CNBD1: variants seen among roughly 807,000 people sequenced by gnomAD.
The protein encoded by CNBD1 is cyclic nucleotide binding domain containing 1.
CNBD1 carries 71 observed loss-of-function variants against 54.4 expected under a neutral mutation model. The observed-to-expected ratio is 1.30, with a 90% CI of 1.08 to 1.59. CNBD1 has a LOEUF of 1.59. Among genes scored for constraint, CNBD1 ranks in the 40% most tolerant of loss-of-function variants. CNBD1 has a pLI of 0.00. For missense variants in CNBD1, 659 were observed against 518.0 expected (o/e 1.27, Z -2.64); for synonymous variants, 182 against 170.7 (o/e 1.07, Z -0.51).
At chr8:86,960,624 T>C (rs987009405) in intron 4 of CNBD1, among the ~76,000 whole-genome samples, 1 of 152,158 alleles carries the variant, frequency 6.6e-6, no homozygotes, top group African/African-American at 2.4e-5. Flanking sequence ...CTGACAGCTT[T>C]GAACAGAGTA....
At chr8:87,145,390 C>A (rs1812462029) in intron 4 of CNBD1, among the ~76,000 whole-genome samples, 1 of 152,142 alleles carries the variant, frequency 6.6e-6, no homozygotes, top group Middle Eastern at 3.4e-3. Flanking sequence ...TTTAGATATG[C>A]AACATTTAAC....
intron 4 of CNBD1, among the ~76,000 whole-genome samples, chr8:87,045,865 C>A (rs1810175840): frequency 6.6e-6 from 1 of 151,642 alleles, no homozygotes; most frequent in Non-Finnish European, 1.5e-5. Flanking sequence ...CATCGTGAAA[C>A]CCCGTCTCTA....
At chr8:87,309,577 G>A (rs10108793) in intron 8 of CNBD1, among the ~76,000 whole-genome samples, 57,886 of 151,880 alleles carry the variant, frequency 0.38, 11,306 homozygotes, top group Middle Eastern at 0.46. Context: ...CAAGACTTAC[G>A]ATAAGAAAAG....
At chr8:87,098,018 C>A (rs1360191308) in intron 4 of CNBD1, among the ~76,000 whole-genome samples, 2 of 152,256 alleles carry the variant, frequency 1.3e-5, no homozygotes, top group East Asian at 3.9e-4. Flanking sequence ...AGGAAAAAAA[C>A]ACTCATTTTG....
chr8:87,092,910 C>A (rs116964592), intron 4 of CNBD1, among the ~76,000 whole-genome samples: 4 of 152,068 alleles, frequency 2.6e-5, no homozygotes, highest in African/African-American at 9.7e-5. Context: ...CCTTTGAATT[C>A]GAAATTGCTC....
intron 8 of CNBD1, among the ~76,000 whole-genome samples, chr8:87,299,641 A>G (rs1400247724): frequency 6.6e-6 from 1 of 152,218 alleles, no homozygotes; most frequent in Non-Finnish European, 1.5e-5. Context: ...GTTGGAGAAG[A>G]CCAGAATGAG....
chr8:87,090,043 C>T (rs1811175257), intron 4 of CNBD1, among the ~76,000 whole-genome samples: 1 of 151,928 alleles, frequency 6.6e-6, no homozygotes, highest in Admixed American at 6.6e-5. Flanking sequence ...TTTTTAATTA[C>T]TTAGTTCTTC....
intron 6 of CNBD1, among the ~76,000 whole-genome samples, chr8:87,259,414 C>G (rs1313497867): frequency 6.6e-6 from 1 of 152,134 alleles, no homozygotes; most frequent in African/African-American, 2.4e-5. Flanking sequence ...AAGCATTTAG[C>G]AAACCTAATA....
At chr8:87,346,547 A>G (rs1810179863) in intron 8 of CNBD1, among the ~76,000 whole-genome samples, 1 of 151,998 alleles carries the variant, frequency 6.6e-6, no homozygotes, top group African/African-American at 2.4e-5. Flanking sequence ...GTCTCTATCT[A>G]TGTGTATATT....
At chr8:87,266,389 A>C (rs1010557359) in intron 6 of CNBD1, among the ~76,000 whole-genome samples, 2 of 142,582 alleles carry the variant, frequency 1.4e-5, no homozygotes, top group African/African-American at 5.1e-5. Context: ...AAGCACACTG[A>C]TATGTAAGCA....
intron 8 of CNBD1, among the ~76,000 whole-genome samples, chr8:87,346,029 A>G (rs1586033599): frequency 6.6e-6 from 1 of 151,684 alleles, no homozygotes; most frequent in East Asian, 1.9e-4. Context: ...GTTTTGTTTA[A>G]TTTTCTTTTT....
intron 8 of CNBD1, among the ~76,000 whole-genome samples, chr8:87,348,359 G>A (rs575813507): frequency 5.3e-4 from 81 of 152,140 alleles, no homozygotes; most frequent in Middle Eastern, 3.4e-3. Flanking sequence ...GCATTGGTAT[G>A]GACTGTTACA....
At chr8:86,950,458 A>G (rs1486808545) in intron 4 of CNBD1, among the ~76,000 whole-genome samples, 7 of 152,076 alleles carry the variant, frequency 4.6e-5, no homozygotes, top group Admixed American at 4.6e-4. Flanking sequence ...ATTGATTTGC[A>G]TATGTTGAAC....
chr8:86,902,940 T>C (rs1266147174), intron 2 of CNBD1, among the ~76,000 whole-genome samples: 1 of 152,134 alleles, frequency 6.6e-6, no homozygotes, highest in Non-Finnish European at 1.5e-5. Context: ...ACAATAATAC[T>C]TTTCTACTGA....
At chr8:87,392,264 C>T (rs1811323911) in intron 2 of CNBD1, among the ~76,000 whole-genome samples, 1 of 152,002 alleles carries the variant, frequency 6.6e-6, no homozygotes, top group African/African-American at 2.4e-5. Context: ...ACAAGTTCAA[C>T]ATATATTTAC....
chr8:87,427,867 A>T (rs575560826), intron 2 of CNBD1, among the ~76,000 whole-genome samples: 1 of 152,200 alleles, frequency 6.6e-6, no homozygotes, highest in Non-Finnish European at 1.5e-5. Context: ...ATAAAACCTC[A>T]TCCATAACAT....
At chr8:87,203,977 G>A (rs1055860627) in intron 4 of CNBD1, among the ~76,000 whole-genome samples, 1 of 152,150 alleles carries the variant, frequency 6.6e-6, no homozygotes, top group Non-Finnish European at 1.5e-5. Flanking sequence ...TTAAAAATTA[G>A]ACCTTAGATC....
At chr8:87,427,372 C>G (rs947265208) in intron 2 of CNBD1, among the ~76,000 whole-genome samples, 1 of 152,014 alleles carries the variant, frequency 6.6e-6, no homozygotes, top group Admixed American at 6.6e-5. Context: ...TACACCATGG[C>G]TTTTTATGAA....
At chr8:86,953,258 G>T (rs1386929838) in intron 4 of CNBD1, among the ~76,000 whole-genome samples, 1 of 152,126 alleles carries the variant, frequency 6.6e-6, no homozygotes, top group Non-Finnish European at 1.5e-5. Flanking sequence ...TAATAATTGG[G>T]TAGGAAAAAC....
Sources: gnomAD v4.1 joint callset for allele counts (sites outside exome capture counted in the v4.1 genomes callset) on GRCh38, gnomAD v4.1.1 for gene constraint, MANE v1.5 for transcripts, NCBI Gene and HGNC (gene_info 2026-07-23, HGNC 2026-07-21) for gene names.